RAB38: variants seen among roughly 807,000 people sequenced by gnomAD.
The protein encoded by RAB38 is ras-related protein Rab-38.
A neutral mutation model predicts 18.4 loss-of-function variants in RAB38; 15 were observed. The observed-to-expected ratio is 0.82, with a 90% CI of 0.55 to 1.26. The LOEUF (loss-of-function observed/expected upper bound fraction) is 1.26. RAB38 is among the 50% of genes most tolerant of loss of function. RAB38 has a pLI of 0.00. For synonymous variants in RAB38, 101 were observed against 104.4 expected, an observed-to-expected ratio of 0.97 and a Z score of 0.20; for missense variants, 294 against 267.4, an observed-to-expected ratio of 1.10 and a Z score of -0.69.
At chr11:88,153,282 C>T (rs1367570224) in intron 1 of RAB38, among the ~76,000 whole-genome samples, 1 of 152,226 alleles carries the variant, frequency 6.6e-6, no homozygotes, top group Non-Finnish European at 1.5e-5. Context: ...CTTTGGCCCT[C>T]TGTCCCAACA....
At chr11:87,893,776 A>G in the RAB38 span, among the ~76,000 whole-genome samples, 1 of 151,648 alleles carries the variant, frequency 6.6e-6, no homozygotes, top group African/African-American at 2.4e-5. Context: ...GGAATCATAC[A>G]GTATTTGTCC....
the RAB38 span, among the ~76,000 whole-genome samples, chr11:87,971,558 C>A: frequency 6.6e-6 from 1 of 152,162 alleles, no homozygotes; most frequent in East Asian, 1.9e-4. Flanking sequence ...CCCACTCTTG[C>A]CTTTATGACC....
At chr11:87,977,637 A>T in the RAB38 span, among the ~76,000 whole-genome samples, 1 of 118,424 alleles carries the variant, frequency 8.4e-6, no homozygotes, top group Non-Finnish European at 1.6e-5. Flanking sequence ...TATATTATAT[A>T]ATTATATAAA....
chr11:88,021,654 G>C, the RAB38 span, among the ~76,000 whole-genome samples: 1 of 148,802 alleles, frequency 6.7e-6, no homozygotes, highest in Admixed American at 6.7e-5. Flanking sequence ...GCAGTGGCAC[G>C]ATCTTGGCTC....
intron 2 of RAB38, among the ~76,000 whole-genome samples, chr11:88,122,158 A>G (rs1485023550): frequency 1.3e-5 from 2 of 152,198 alleles, no homozygotes; most frequent in Non-Finnish European, 2.9e-5. Context: ...CGAGGCAGAC[A>G]CAGCTCTTGA....
At chr11:88,135,014 T>C (rs1208364537) in intron 2 of RAB38, among the ~76,000 whole-genome samples, 2 of 152,338 alleles carry the variant, frequency 1.3e-5, no homozygotes, top group Non-Finnish European at 2.9e-5. Context: ...GTGCCTCTGC[T>C]CATGCTATAC....
At chr11:87,863,951 C>T in the RAB38 span, among the ~76,000 whole-genome samples, 8 of 151,788 alleles carry the variant, frequency 5.3e-5, no homozygotes, top group East Asian at 2.0e-4. Flanking sequence ...CAGTGCAAAG[C>T]GGTTACCACC....
At chr11:87,887,509 TA>T in the RAB38 span, among the ~76,000 whole-genome samples, 517 of 152,124 alleles carry the variant, frequency 3.4e-3, 1 homozygote, top group African/African-American at 0.012. Flanking sequence ...CACCCTGGGT[TA>T]AAACCCTCTC....
the RAB38 span, among the ~76,000 whole-genome samples, chr11:88,005,978 G>A: frequency 2.6e-5 from 4 of 151,282 alleles, no homozygotes; most frequent in African/African-American, 9.7e-5. Flanking sequence ...CTATGACAGA[G>A]CCATGCTGTT....
At chr11:88,017,724 T>TTA in the RAB38 span, among the ~76,000 whole-genome samples, 2,312 of 145,156 alleles carry the variant, frequency 0.016, 65 homozygotes, top group African/African-American at 0.055. Context: ...ATAATATATA[T>TTA]TATATATATA....
chr11:87,961,337 G>A, the RAB38 span, among the ~76,000 whole-genome samples: 1 of 152,148 alleles, frequency 6.6e-6, no homozygotes, highest in Non-Finnish European at 1.5e-5. Context: ...AGTTTAAGGA[G>A]AGATTGTGTG....
chr11:87,827,647 A>G, the RAB38 span, among the ~76,000 whole-genome samples: 1 of 152,172 alleles, frequency 6.6e-6, no homozygotes, highest in African/African-American at 2.4e-5. Context: ...TTACTATAAT[A>G]TAAACTGACC....
intron 2 of RAB38, among the ~76,000 whole-genome samples, chr11:88,146,742 G>A (rs1219368254): frequency 1.3e-5 from 2 of 152,196 alleles, no homozygotes; most frequent in African/African-American, 4.8e-5. Context: ...AGCCGTTTTC[G>A]TTAAGACATT....
At chr11:87,967,572 A>G in the RAB38 span, among the ~76,000 whole-genome samples, 2,457 of 152,284 alleles carry the variant, frequency 0.016, 68 homozygotes, top group East Asian at 0.13. Context: ...GTTAAGCCCA[A>G]TGCAATACAT....
the RAB38 span, among the ~76,000 whole-genome samples, chr11:88,031,415 A>T: frequency 0.031 from 4,623 of 151,176 alleles, 97 homozygotes; most frequent in South Asian, 0.061. Context: ...AGGGTATTCA[A>T]TTAGGAAAAG....
At chr11:87,834,064 G>A in the RAB38 span, among the ~76,000 whole-genome samples, 9,008 of 152,272 alleles carry the variant, frequency 0.059, 372 homozygotes, top group Non-Finnish European at 0.084. Context: ...GAGATTCAAG[G>A]CTTGAGGGAG....
the RAB38 span, among the ~76,000 whole-genome samples, chr11:87,810,272 G>C: frequency 6.6e-6 from 1 of 151,822 alleles, no homozygotes; most frequent in Non-Finnish European, 1.5e-5. Flanking sequence ...TTTCTTTTGA[G>C]ATGGGGTCTT....
chr11:88,121,258 GCA>G (rs1942624836), intron 2 of RAB38, among the ~76,000 whole-genome samples: 1 of 152,150 alleles, frequency 6.6e-6, no homozygotes, highest in South Asian at 2.1e-4. Context: ...CTAGATCCAA[GCA>G]CAGTGCCTAA....
At chr11:88,038,689 A>C in the RAB38 span, among the ~76,000 whole-genome samples, 1 of 152,140 alleles carries the variant, frequency 6.6e-6, no homozygotes, top group Admixed American at 6.5e-5. Flanking sequence ...CCTTTCACCC[A>C]ATCAAATACC....
Sources: allele counts gnomAD v4.1 joint callset (sites outside exome capture counted in the v4.1 genomes callset), GRCh38; gene constraint gnomAD v4.1.1; transcripts MANE v1.5; gene names NCBI Gene and HGNC (gene_info 2026-07-23, HGNC 2026-07-21).